Variants in PTPN1 observed in about 807,000 individuals in gnomAD.
PTPN1 encodes the protein protein tyrosine phosphatase non-receptor type 1.
PTPN1 carries 12 observed loss-of-function variants against 59.9 expected under a neutral mutation model. The observed-to-expected ratio is 0.20, with a 90% CI of 0.13 to 0.32. The LOEUF (loss-of-function observed/expected upper bound fraction) is 0.32, where lower values mean the gene tolerates loss of function less well. PTPN1 is among the 10% of genes least tolerant of loss of function. The pLI, the probability that PTPN1 is intolerant of heterozygous loss-of-function variation, is 1.00. For synonymous variants in PTPN1, 178 were observed against 203.6 expected (o/e 0.87, Z 1.07); for missense variants, 356 against 549.2 (o/e 0.65, Z 3.52).
At chr20:50,532,209 A>C (rs2082604499) in intron 1 of PTPN1, among the ~76,000 whole-genome samples, 1 of 152,234 alleles carries the variant, frequency 6.6e-6, no homozygotes, top group Non-Finnish European at 1.5e-5. Flanking sequence ...CTTTGTGTCC[A>C]TGAGTTTGTT....
At chr20:50,541,536 T>TGTAC (rs113484680) in intron 1 of PTPN1, among the ~76,000 whole-genome samples, 3,735 of 152,280 alleles carry the variant, frequency 0.025, 83 homozygotes, top group African/African-American at 0.059. Flanking sequence ...GTTTAACAGT[T>TGTAC]GTACATGTGT....
Position 50,568,291 on chromosome 20 carries a change from C to A in PTPN1, c.256-89C>A. 1 of 1,140,938 alleles carries A rather than the reference C, an allele frequency of 8.8e-7. No homozygotes were observed. Among genetic ancestry groups the A allele is most frequent in the Non-Finnish European group, 1.3e-6 (1 of 757,668 alleles). The allele number at this position is 1,140,938 out of a possible 1,614,324, so 70.7% of individuals were successfully genotyped here. A position where few individuals can be genotyped will look rare whatever the true frequency, so the allele number is the denominator to read the frequency against. ...CTGCCTAAGCTGTGGGGACTGAGGG[C>A]GCTGTCGTTAGCTGACTGCAGAAGG... On this transcript the variant is annotated intron_variant, in intron 3 of 9. Coordinates refer to ENST00000371621, the MANE Select transcript of PTPN1 (RefSeq NM_002827.4). The surrounding 1 kb of genome is among the most constrained non-coding windows in gnomAD (Gnocchi z 5.6).
chr20:50,553,123 C>A (rs530583529), intron 1 of PTPN1, among the ~76,000 whole-genome samples: 1 of 152,140 alleles, frequency 6.6e-6, no homozygotes, highest in Non-Finnish European at 1.5e-5. Context: ...TTTGCTGTAG[C>A]TCCAATATTC....
At chr20:50,530,959 C>T (rs768354105) in intron 1 of PTPN1, among the ~76,000 whole-genome samples, 1 of 152,150 alleles carries the variant, frequency 6.6e-6, no homozygotes, top group Non-Finnish European at 1.5e-5. Flanking sequence ...CTGCCTTGAC[C>T]TCCCAAAATG....
chr20:50,558,242 C>T (rs1455727700), intron 1 of PTPN1, among the ~76,000 whole-genome samples: 2 of 152,162 alleles, frequency 1.3e-5, no homozygotes, highest in African/African-American at 2.4e-5. Context: ...TCAGTGAGTG[C>T]TGTCCAGTAG....
intron 5 of PTPN1, 57 bp from the exon 6 acceptor site, chr20:50,578,363 A>T: frequency 7.0e-7 from 1 of 1,422,140 alleles, no homozygotes; most frequent in Non-Finnish European, 9.9e-7. Context: ...ACTTGGAATT[A>T]GTGATTTCTG....
At chr20:50,575,232 C>T (rs534932157) in intron 5 of PTPN1, among the ~76,000 whole-genome samples, 1 of 152,306 alleles carries the variant, frequency 6.6e-6, no homozygotes, top group South Asian at 2.1e-4. Flanking sequence ...CCCCTGGATC[C>T]GTAACTTGGG....
chr20:50,583,318 A>G lies in PTPN1; in HGVS notation c.*603A>G, dbSNP rs2122812175. 2 of 152,892 alleles carry G rather than the reference A, an allele frequency of 1.3e-5. No homozygotes were observed. The highest frequency in any genetic ancestry group is 4.1e-4 in the South Asian group (2 of 4,856). The allele number at this position is 152,892 out of a possible 1,614,324, so 9.5% of individuals were successfully genotyped here. A position where few individuals can be genotyped will look rare whatever the true frequency, so the allele number is the denominator to read the frequency against. Reference sequence around the variant, plus strand: ...CAGTACTGGGAAGGAGGACGGTTGTAAGCAGTTGTTATTTAGTGATATTGT... The same window carrying G: ...CAGTACTGGGAAGGAGGACGGTTGTGAGCAGTTGTTATTTAGTGATATTGT... On this transcript the variant is annotated 3_prime_UTR_variant, in exon 10 of 10. Coordinates refer to ENST00000371621, the MANE Select transcript of PTPN1 (RefSeq NM_002827.4).
chr20:50,511,225 A>AGTG (rs1168451802), intron 1 of PTPN1, among the ~76,000 whole-genome samples: 1 of 152,212 alleles, frequency 6.6e-6, no homozygotes, highest in Non-Finnish European at 1.5e-5. Context: ...AGAGTCGAAT[A>AGTG]GGGCAATCAA....
At chr20:50,533,718 T>C (rs1026457257) in intron 1 of PTPN1, among the ~76,000 whole-genome samples, 1 of 151,728 alleles carries the variant, frequency 6.6e-6, no homozygotes, top group African/African-American at 2.4e-5. Context: ...AGATTTGATG[T>C]ACCACTTCCG....
rs6096013 is a variant in PTPN1, at chr20:50,578,645, C to T, written c.702+16C>T. The T allele has an allele frequency of 6.2e-3, 10,012 of 1,609,996 alleles. 498 individuals are homozygous for T. In the African/African-American group the frequency reaches 0.12, roughly 19 times the overall value. On this transcript the variant is annotated intron_variant, in intron 6 of 9. Transcript: ENST00000371621. ...CCTCTTGCTGGTAAGGAGGCCCTCG[C>T]GGGTGCCCTGGGGAGCTCCTCTACC... is the stretch of plus-strand genomic sequence containing the variant.
chr20:50,581,498 G>C (rs141824200), intron 9 of PTPN1, 38 bp downstream of exon 9: 27 of 1,570,362 alleles, frequency 1.7e-5, no homozygotes, highest in Non-Finnish European at 2.2e-5. Flanking sequence ...CGAGATGCTC[G>C]TGTGCAGAGA....
At chr20:50,550,467 C>A (rs530130755) in intron 1 of PTPN1, among the ~76,000 whole-genome samples, 70 of 152,288 alleles carry the variant, frequency 4.6e-4, no homozygotes, top group Middle Eastern at 6.8e-3. Context: ...TATTTTGACA[C>A]TGTTTGGTCA....
At chr20:50,542,129 A>G (rs1014616701) in intron 1 of PTPN1, among the ~76,000 whole-genome samples, 2 of 152,182 alleles carry the variant, frequency 1.3e-5, no homozygotes, top group African/African-American at 2.4e-5. Context: ...CTGCAAGTAC[A>G]ATGTGGTCTT....
intron 1 of PTPN1, among the ~76,000 whole-genome samples, chr20:50,532,662 T>C (rs2082606462): frequency 6.6e-6 from 1 of 152,220 alleles, no homozygotes; most frequent in African/African-American, 2.4e-5. Flanking sequence ...TTTAATATTA[T>C]ACATAATAAT....
rs549340238 is a variant in PTPN1 at position 50,581,440 on chromosome 20, G to A, written c.1264G>A (p.Gly422Ser). ...GTGCGTGGCTACGGTCCTCACGGCC[G>A]GCGCTTACCTCTGCTACAGGGTATG... is the stretch of plus-strand genomic sequence containing the variant. ...NMCVATVLTAGAYLCYRFLFN... is the reference protein window; with the variant it reads ...NMCVATVLTASAYLCYRFLFN... The change falls in exon 9 of 10, where the codon GGC becomes AGC. Residue 422 changes from glycine to serine, a missense_variant. This residue lies in a region of PTPN1 where 62 missense variants were observed against 97.2 expected (regional missense o/e 0.64). Transcript: ENST00000371621. 5.6e-6 allele frequency: 9 copies of A among 1,611,150 alleles called. No individual in the cohort carries two copies. Among genetic ancestry groups the A allele is most frequent in the Admixed American group, 3.3e-5 (2 of 59,932 alleles).
chr20:50,510,981 C>G (rs778724131), intron 1 of PTPN1, among the ~76,000 whole-genome samples: 1 of 152,134 alleles, frequency 6.6e-6, no homozygotes, highest in Non-Finnish European at 1.5e-5. Flanking sequence ...ACCTCAGACT[C>G]TCTTCCTTTG....
At chr20:50,558,941 A>G (rs1028762700) in intron 1 of PTPN1, among the ~76,000 whole-genome samples, 5 of 151,494 alleles carry the variant, frequency 3.3e-5, no homozygotes, top group Admixed American at 6.6e-5. Context: ...GGTTTATTTC[A>G]TCACTCAGGT....
chr20:50,515,340 C>T (rs950759164), intron 1 of PTPN1, among the ~76,000 whole-genome samples: 7 of 152,188 alleles, frequency 4.6e-5, no homozygotes, highest in African/African-American at 1.2e-4. Context: ...TCTTCCAGCT[C>T]GAATGTGTGC....
Sources: gnomAD v4.1 joint callset for allele counts (sites outside exome capture counted in the v4.1 genomes callset) on GRCh38, gnomAD v4.1.1 for gene constraint, gnomAD v4.1.1 regional missense constraint, Gnocchi (gnomAD v3.1) non-coding constraint, MANE v1.5 for transcripts, NCBI Gene and HGNC (gene_info 2026-07-23, HGNC 2026-07-21) for gene names.